CCDC3: variants seen among roughly 807,000 people sequenced by gnomAD.
CCDC3 encodes the protein coiled-coil domain-containing protein 3.
A neutral mutation model predicts 21.4 loss-of-function variants in CCDC3; 24 were observed. The ratio of observed to expected loss-of-function variants is 1.12; its 90% CI spans 0.81 to 1.58. The LOEUF is 1.58. CCDC3 is among the 40% of genes most tolerant of loss of function. The pLI, the probability that CCDC3 is intolerant of heterozygous loss-of-function variation, is 0.00. For synonymous variants in CCDC3, 186 were observed against 166.0 expected, an observed-to-expected ratio of 1.12 and a Z score of -0.93; for missense variants, 425 against 360.9, an observed-to-expected ratio of 1.18 and a Z score of -1.44.
At chr10:13,058,316 C>A (rs1836709157) in intron 4 of CCDC3, 4 of 1,334,512 alleles carry the variant, frequency 3.0e-6, no homozygotes, top group African/African-American at 1.4e-5. Context: ...CTTCACTTGG[C>A]CTTCATAGAT....
intron 2 of CCDC3, among the ~76,000 whole-genome samples, chr10:12,963,561 T>C (rs913428345): frequency 6.7e-6 from 1 of 148,942 alleles, no homozygotes; most frequent in East Asian, 2.0e-4. Flanking sequence ...CCTATTGAAC[T>C]CCAGTTTTGT....
intron 2 of CCDC3, among the ~76,000 whole-genome samples, chr10:12,981,206 G>A (rs1465996355): frequency 1.3e-4 from 16 of 122,236 alleles, no homozygotes; most frequent in Admixed American, 3.6e-4. Context: ...TTTTGAGATG[G>A]ATTCTCACAG....
intron 2 of CCDC3, among the ~76,000 whole-genome samples, chr10:12,997,136 T>C (rs1835773494): frequency 6.6e-6 from 1 of 151,788 alleles, no homozygotes; most frequent in Non-Finnish European, 1.5e-5. Flanking sequence ...ACAAGGCAGC[T>C]ACCCTAGGCC....
chr10:13,092,370 T>C (rs1564345921), intron 3 of CCDC3, among the ~76,000 whole-genome samples: 2 of 152,328 alleles, frequency 1.3e-5, no homozygotes, highest in Admixed American at 6.5e-5. Flanking sequence ...ATCGTTGCAA[T>C]GGGAAATACT....
chr10:13,010,098 A>C (rs925072514), intron 5 of CCDC3, among the ~76,000 whole-genome samples: 1 of 152,120 alleles, frequency 6.6e-6, no homozygotes, highest in Non-Finnish European at 1.5e-5. Flanking sequence ...AAATACAAAA[A>C]TTAGCAGGGT....
intron 5 of CCDC3, among the ~76,000 whole-genome samples, chr10:13,020,585 T>C (rs1836132008): frequency 6.6e-6 from 1 of 152,150 alleles, no homozygotes; most frequent in Admixed American, 6.5e-5. Context: ...TCACAGAGAG[T>C]TTCCATACAT....
chr10:12,976,459 A>G (rs1835419434), intron 2 of CCDC3, among the ~76,000 whole-genome samples: 1 of 152,140 alleles, frequency 6.6e-6, no homozygotes, highest in South Asian at 2.1e-4. Context: ...AGGGCTGAGG[A>G]GCTGGGTGGC....
intron 4 of CCDC3, among the ~76,000 whole-genome samples, chr10:13,063,074 A>G (rs929380691): frequency 6.9e-6 from 1 of 144,804 alleles, no homozygotes; most frequent in African/African-American, 2.6e-5. Context: ...TCTCTGACCA[A>G]TCAGCACTCC....
At chr10:12,948,467 G>GCACA (rs35847630) in intron 2 of CCDC3, among the ~76,000 whole-genome samples, 7 of 148,366 alleles carry the variant, frequency 4.7e-5, no homozygotes, top group African/African-American at 7.4e-5. Context: ...GCAGACAATT[G>GCACA]CACACACACA....
intron 2 of CCDC3, among the ~76,000 whole-genome samples, chr10:12,957,761 G>A (rs891953556): frequency 5.9e-5 from 9 of 152,176 alleles, no homozygotes; most frequent in East Asian, 1.9e-4. Flanking sequence ...TCCTGAGACT[G>A]CCCCAGAAGC....
intron 3 of CCDC3, among the ~76,000 whole-genome samples, chr10:13,076,310 C>G (rs1273303343): frequency 6.6e-6 from 1 of 152,208 alleles, no homozygotes. Flanking sequence ...ACCAGAGCAA[C>G]TCCATCTTGG....
At chr10:13,049,215 A>G (rs1436155661) in intron 5 of CCDC3, among the ~76,000 whole-genome samples, 1 of 152,254 alleles carries the variant, frequency 6.6e-6, no homozygotes, top group Non-Finnish European at 1.5e-5. Context: ...TTTGGTGAAT[A>G]AGGAGATCAG....
In CCDC3 at chr10:13,009,431, T is replaced by C. The variant is rs569828685; in HGVS notation, c.-1-10919A>G. 5.3e-5 allele frequency among the ~76,000 whole-genome samples: 8 copies of C among 152,292 alleles called. No homozygotes were observed. In the South Asian group the frequency reaches 1.7e-3, roughly 32 times the overall value. On this transcript the variant is annotated intron_variant, in intron 5 of 6. Transcript: ENST00000378839. Reference sequence around the variant, plus strand: ...ATTGATAAGCATAGTCAAAATTCCATATGGAATGTAGAGAACTGAGAATAG... The same window carrying C: ...ATTGATAAGCATAGTCAAAATTCCACATGGAATGTAGAGAACTGAGAATAG...
At chr10:12,962,953 A>C (rs909425821) in intron 2 of CCDC3, among the ~76,000 whole-genome samples, 1 of 152,214 alleles carries the variant, frequency 6.6e-6, no homozygotes, top group Non-Finnish European at 1.5e-5. Flanking sequence ...GTGTGTTTTC[A>C]TAAAAAGATT....
At position 12,898,472 on chromosome 10, in the gene CCDC3, C is replaced by T. The variant is rs772617089; in HGVS notation, c.757G>A (p.Ala253Thr). Residue 253 changes from alanine (A) to threonine (T), a missense_variant, in exon 3 of 3, where the codon GCG becomes ACG. Ala to Thr is a moderately conservative substitution (Grantham distance 58). Coordinates refer to ENST00000378825, the MANE Select transcript of CCDC3 (RefSeq NM_031455.4). ...QKLSEKLAAG[A>T]LPHINARGPV... ...CCCCGGGCATTGATGTGCGGCAGCGCGCCCGCCGCCAGCTTCTCACTGAGT... is the reference window on the plus strand; with the variant it reads ...CCCCGGGCATTGATGTGCGGCAGCGTGCCCGCCGCCAGCTTCTCACTGAGT... 8.7e-6 allele frequency: 14 copies of T among 1,612,966 alleles called. No homozygotes were observed. The highest frequency in any genetic ancestry group is 6.7e-5 in the East Asian group (3 of 44,878).
At chr10:13,011,287 C>T (rs1835981405) in intron 5 of CCDC3, among the ~76,000 whole-genome samples, 2 of 151,882 alleles carry the variant, frequency 1.3e-5, no homozygotes, top group African/African-American at 4.8e-5. Flanking sequence ...TCTAGAAAAC[C>T]TCATAGTCTC....
chr10:12,903,983 A>G (rs1232426706), intron 2 of CCDC3, among the ~76,000 whole-genome samples: 1 of 152,224 alleles, frequency 6.6e-6, no homozygotes, highest in Non-Finnish European at 1.5e-5. Flanking sequence ...GTATAAATAG[A>G]TAACTATTTC....
Position 13,090,144 on chromosome 10 carries a change from G to A in CCDC3, c.-503+8381C>T, listed in dbSNP as rs145890703. On this transcript the variant is annotated intron_variant, in intron 3 of 6. Transcript: ENST00000378839. Reference sequence around the variant, plus strand: ...TCATTCTGTCACCAGGCTGGAGTGCGGTGGTGTGATCTCAGCTCACTGCAA... The same window carrying A: ...TCATTCTGTCACCAGGCTGGAGTGCAGTGGTGTGATCTCAGCTCACTGCAA... 6.6e-3 allele frequency among the ~76,000 whole-genome samples: 960 copies of A among 146,304 alleles called. 11 individuals are homozygous for A. The highest frequency in any genetic ancestry group is 0.023 in the African/African-American group (908 of 39,140).
chr10:13,052,088 A>T (rs1380569741), intron 4 of CCDC3, among the ~76,000 whole-genome samples: 1 of 152,048 alleles, frequency 6.6e-6, no homozygotes. Context: ...TAATCTCCAA[A>T]TTTTGGCTGG....
Sources: gnomAD v4.1 joint callset for allele counts (sites outside exome capture counted in the v4.1 genomes callset) on GRCh38, gnomAD v4.1.1 for gene constraint, MANE v1.5 for transcripts, NCBI Gene and HGNC (gene_info 2026-07-23, HGNC 2026-07-21) for gene names.